The following RELN variants were observed in gnomAD, a reference collection of about 807,000 sequenced individuals.
RELN encodes the protein reelin.
In RELN, 108 loss-of-function variants were observed where a neutral mutation model predicts 427.6. The ratio of observed to expected loss-of-function variants is 0.25; its 90% CI spans 0.22 to 0.30. The LOEUF (loss-of-function observed/expected upper bound fraction) is 0.30, where lower values mean the gene tolerates loss of function less well. RELN is among the 10% of genes least tolerant of loss of function. The probability of loss-of-function intolerance (pLI) is 1.00; values close to 1 mark genes in which losing one functional copy is unlikely to be tolerated. For missense variants in RELN, 3,715 were observed against 4,302.8 expected (o/e 0.86, Z 3.82); for synonymous variants, 1,524 against 1,513.4 (o/e 1.01, Z -0.16).
At chr7:103,589,881 T>G in intron 27 of RELN, 53 bp from the exon 28 acceptor site, 4 of 1,099,532 alleles carry the variant, frequency 3.6e-6, no homozygotes, top group Non-Finnish European at 5.6e-6. Flanking sequence ...AAGTCATCAC[T>G]CAACAAATTA....
At chr7:103,919,647 C>T (rs964539883) in intron 1 of RELN, among the ~76,000 whole-genome samples, 3 of 152,126 alleles carry the variant, frequency 2.0e-5, no homozygotes, top group Non-Finnish European at 4.4e-5. Flanking sequence ...TCCACACGCG[C>T]ACCAGCTCTA....
chr7:103,778,570 G>A (rs909045009), intron 3 of RELN, among the ~76,000 whole-genome samples: 5 of 152,136 alleles, frequency 3.3e-5, no homozygotes, highest in African/African-American at 1.2e-4. Context: ...AGGTAACAGA[G>A]GTTTCACCTT....
In RELN at chr7:103,900,881, T is replaced by C. The variant is rs895060145; in HGVS notation, c.337+16194A>G. 2.0e-5 allele frequency among the ~76,000 whole-genome samples: 3 copies of C among 152,054 alleles called. No homozygotes were observed. The South Asian group carries it at 6.2e-4, about 32-fold the overall frequency. On this transcript the variant is annotated intron_variant, in intron 2 of 64. Transcript: ENST00000428762. Reference sequence around the variant, plus strand: ...AACTTAAATGTAAGAAATAGGACCATAAAAATCTTAGAAGAAAACCTGGGC... The same window carrying C: ...AACTTAAATGTAAGAAATAGGACCACAAAAATCTTAGAAGAAAACCTGGGC...
At chr7:103,906,393 G>A (rs1434304115) in intron 2 of RELN, among the ~76,000 whole-genome samples, 9 of 152,136 alleles carry the variant, frequency 5.9e-5, no homozygotes, top group South Asian at 2.1e-4. Flanking sequence ...GTTAATACCT[G>A]TAACACACCG....
At chr7:103,914,376 G>T (rs1376607935) in intron 2 of RELN, among the ~76,000 whole-genome samples, 11 of 152,012 alleles carry the variant, frequency 7.2e-5, no homozygotes, top group Admixed American at 6.6e-4. Flanking sequence ...AATGACAAAT[G>T]ATAGTTCCTT....
intron 1 of RELN, among the ~76,000 whole-genome samples, chr7:103,960,041 C>G (rs957963207): frequency 6.6e-6 from 1 of 152,144 alleles, no homozygotes; most frequent in Non-Finnish European, 1.5e-5. Context: ...CCTCTGCCCC[C>G]ACTCCCCTCC....
intron 4 of RELN, among the ~76,000 whole-genome samples, chr7:103,775,519 T>G (rs1017785756): frequency 6.6e-6 from 1 of 152,206 alleles, no homozygotes; most frequent in Non-Finnish European, 1.5e-5. Context: ...CTCATTTCTC[T>G]TGAAAGCCCA....
Position 103,920,455 on chromosome 7 carries a change from T to A in RELN, c.227-3270A>T, listed in dbSNP as rs2192304. On this transcript the variant is annotated intron_variant, in intron 1 of 64. Transcript: ENST00000428762. Reference sequence around the variant, plus strand: ...ATGATCTAATTAATGTTAAAATGGGTAACAAATAATATTTTCCATGTCAAT... The same window carrying A: ...ATGATCTAATTAATGTTAAAATGGGAAACAAATAATATTTTCCATGTCAAT... Among the ~76,000 whole-genome samples the A allele has an allele frequency of 2.8e-3, 419 of 152,090 alleles. 1 individual carries two copies. The highest frequency in any genetic ancestry group is 9.6e-3 in the African/African-American group (396 of 41,448).
intron 40 of RELN, among the ~76,000 whole-genome samples, chr7:103,552,354 CTATAGT>C (rs1391271904): frequency 6.6e-6 from 1 of 152,100 alleles, no homozygotes; most frequent in African/African-American, 2.4e-5. Flanking sequence ...ACATAACCAT[CTATAGT>C]TATAGTTATA....
intron 1 of RELN, among the ~76,000 whole-genome samples, chr7:103,922,426 C>G (rs1020921838): frequency 6.6e-6 from 1 of 152,120 alleles, no homozygotes; most frequent in African/African-American, 2.4e-5. Context: ...TATCCTCACT[C>G]TTAAGTTACA....
intron 28 of RELN, among the ~76,000 whole-genome samples, chr7:103,582,845 A>C (rs1831185152): frequency 6.6e-6 from 1 of 152,230 alleles, no homozygotes; most frequent in African/African-American, 2.4e-5. Context: ...TTGCGGCAAC[A>C]AACAACTCTC....
rs362760 is a variant in RELN, at chr7:103,544,608, G to A, written c.6523+516C>T. On this transcript the variant is annotated intron_variant, in intron 42 of 64. Transcript: ENST00000428762. ...TCTTTTATGGAGGTGTTTTTCCACAGTTTGATCAAAGTGCATATATAATTT... is the reference window on the plus strand; with the variant it reads ...TCTTTTATGGAGGTGTTTTTCCACAATTTGATCAAAGTGCATATATAATTT... Among the ~76,000 whole-genome samples the A allele has an allele frequency of 9.7e-3, 1,477 of 152,192 alleles. 16 individuals carry two copies. The highest frequency in any genetic ancestry group is 0.025 in the Admixed American group (387 of 15,286).
At chr7:103,947,047 T>A (rs1331391504) in intron 1 of RELN, among the ~76,000 whole-genome samples, 1 of 152,180 alleles carries the variant, frequency 6.6e-6, no homozygotes, top group African/African-American at 2.4e-5. Flanking sequence ...TCCCCCCAAA[T>A]GAATTCACCC....
At position 103,958,386 on chromosome 7, in the gene RELN, G is replaced by C. The variant is rs1023320811; in HGVS notation, c.226+30745C>G. 5.3e-5 allele frequency among the ~76,000 whole-genome samples: 8 copies of C among 152,212 alleles called. No individual in the cohort carries two copies. The East Asian group carries it at 1.5e-3, about 29-fold the overall frequency. On this transcript the variant is annotated intron_variant, in intron 1 of 64. Coordinates refer to ENST00000428762, the MANE Select transcript of RELN (RefSeq NM_005045.4). ...AGGAGTTAAGGTCTGATTTGTGACA[G>C]ATTTCCTTCAAGTCTGAAGAGAGTC... is the stretch of plus-strand genomic sequence containing the variant.
Position 103,489,913 on chromosome 7 carries a change from A to C in RELN, c.9606-14T>G. The C allele has an allele frequency of 1.2e-6, 2 of 1,613,970 alleles. No homozygotes were observed. Among genetic ancestry groups the C allele is most frequent in the Non-Finnish European group, 1.7e-6 (2 of 1,179,976 alleles). On this transcript the variant is annotated splice_polypyrimidine_tract_variant and intron_variant, in intron 59 of 64. Coordinates refer to ENST00000428762, the MANE Select transcript of RELN (RefSeq NM_005045.4). Reference sequence around the variant, plus strand: ...AACTGTGTTGCACTGAAAGAACCACAGAGAGCAGAAGGGATTCAGTAGGTT... The same window carrying C: ...AACTGTGTTGCACTGAAAGAACCACCGAGAGCAGAAGGGATTCAGTAGGTT...
intron 3 of RELN, among the ~76,000 whole-genome samples, chr7:103,828,823 T>C (rs1258293657): frequency 6.6e-6 from 1 of 151,946 alleles, no homozygotes; most frequent in Non-Finnish European, 1.5e-5. Context: ...CAAAAGTAGA[T>C]AGGAAACACA....
chr7:103,615,391 C>T (rs1832056922), intron 20 of RELN, among the ~76,000 whole-genome samples: 2 of 152,158 alleles, frequency 1.3e-5, no homozygotes, highest in Non-Finnish European at 2.9e-5. Context: ...TTCTTAATCT[C>T]ATGTATTGCT....
At chr7:103,924,517 A>G (rs1409691073) in intron 1 of RELN, among the ~76,000 whole-genome samples, 1 of 152,176 alleles carries the variant, frequency 6.6e-6, no homozygotes, top group East Asian at 1.9e-4. Flanking sequence ...GGAAAAACTG[A>G]GCAAGATCCA....
chr7:103,989,241 A>G lies in RELN; in HGVS notation c.116T>C (p.Leu39Pro). ...YYPRFSPFFF[L>P]CTHHGELEGD... ...TTCCAGCTCCCCGTGGTGGGTGCAC[A>G]GGAAAAAGAAGGGCGAAAAGCGGGG... The change falls in exon 1 of 65, where the codon CTG becomes CCG. Residue 39 changes from leucine (L) to proline (P), a missense_variant. Coordinates refer to ENST00000428762, the MANE Select transcript of RELN (RefSeq NM_005045.4). This position sits in a 1 kb window ranked among gnomAD's most constrained non-coding sequence, Gnocchi z 4.9. 1 of 1,614,030 alleles carries G rather than the reference A, an allele frequency of 6.2e-7. No homozygotes were observed. The highest frequency in any genetic ancestry group is 8.5e-7 in the Non-Finnish European group (1 of 1,179,972).
Sources: allele counts gnomAD v4.1 joint callset (sites outside exome capture counted in the v4.1 genomes callset), GRCh38; gene constraint gnomAD v4.1.1; non-coding constraint Gnocchi (gnomAD v3.1); transcripts MANE v1.5; gene names NCBI Gene and HGNC (gene_info 2026-07-23, HGNC 2026-07-21).